Variants in NRXN3 observed in about 807,000 individuals in gnomAD.
NRXN3 encodes the protein neurexin 3.
In NRXN3, 32 loss-of-function variants were observed where a neutral mutation model predicts 137.6. That is an observed-to-expected ratio of 0.23 (90% confidence interval 0.18 to 0.31). The LOEUF is 0.31. NRXN3 is among the 10% of genes least tolerant of loss of function. The pLI, the probability that NRXN3 is intolerant of heterozygous loss-of-function variation, is 1.00. For synonymous variants in NRXN3, 798 were observed against 784.5 expected (o/e 1.02, Z -0.29); for missense variants, 1,574 against 2,062.5 (o/e 0.76, Z 4.59).
At chr14:79,402,965 A>T (rs1266396547) in intron 15 of NRXN3, among the ~76,000 whole-genome samples, 1 of 152,236 alleles carries the variant, frequency 6.6e-6, no homozygotes, top group Non-Finnish European at 1.5e-5. Flanking sequence ...AAGGAAAAAT[A>T]AAGTGTGTTT....
At position 78,846,362 on chromosome 14, in the gene NRXN3, G is replaced by A. The variant is rs181903472; in HGVS notation, c.2275+36018G>A. 2.8e-3 allele frequency among the ~76,000 whole-genome samples: 422 copies of A among 152,132 alleles called. 3 individuals carry two copies. Among genetic ancestry groups the A allele is most frequent in the African/African-American group, 9.7e-3 (401 of 41,528 alleles). On this transcript the variant is annotated intron_variant, in intron 10 of 20. Coordinates refer to ENST00000335750, the MANE Select transcript of NRXN3 (RefSeq NM_001330195.2). ...TGTGTTTTCTTTTATACCTGATCAGGTCTGCCAGTTGCAAAGCTATACAAT... is the reference window on the plus strand; with the variant it reads ...TGTGTTTTCTTTTATACCTGATCAGATCTGCCAGTTGCAAAGCTATACAAT...
chr14:78,368,947 T>C (rs2086402978), intron 4 of NRXN3, among the ~76,000 whole-genome samples: 1 of 152,156 alleles, frequency 6.6e-6, no homozygotes, highest in African/African-American at 2.4e-5. Context: ...ACAAATTATT[T>C]CTTACCTAGG....
intron 8 of NRXN3, chr14:78,745,361 C>T (rs939808134): frequency 1.3e-5 from 2 of 152,310 alleles, no homozygotes; most frequent in African/African-American, 4.8e-5. Flanking sequence ...ACTTCAGTGA[C>T]TCCCCCTTCA....
At chr14:78,768,993 T>C (rs1391743609) in intron 8 of NRXN3, among the ~76,000 whole-genome samples, 4 of 152,174 alleles carry the variant, frequency 2.6e-5, no homozygotes, top group Non-Finnish European at 4.4e-5. Flanking sequence ...CATCTTCATC[T>C]CCATCTCTGG....
At chr14:79,329,843 G>GT (rs11338173) in intron 15 of NRXN3, among the ~76,000 whole-genome samples, 1,549 of 142,864 alleles carry the variant, frequency 0.011, 11 homozygotes, top group Non-Finnish European at 0.014. Context: ...GATCAAAAGA[G>GT]TTTTTTTTTT....
chr14:78,427,833 C>T (rs1434300220), intron 4 of NRXN3, among the ~76,000 whole-genome samples: 1 of 152,172 alleles, frequency 6.6e-6, no homozygotes, highest in African/African-American at 2.4e-5. Context: ...TTCCTTTTCC[C>T]ACCTCTACCC....
At chr14:78,282,490 TA>T (rs2074542063) in intron 3 of NRXN3, 1 of 209,354 alleles carries the variant, frequency 4.8e-6, no homozygotes, top group African/African-American at 2.3e-5. Flanking sequence ...ACCTGGAATT[TA>T]AATGAATAAC....
Position 79,318,653 on chromosome 14 carries a change from C to T in NRXN3, c.3263-148568C>T, listed in dbSNP as rs114912394. On this transcript the variant is annotated intron_variant, in intron 15 of 20. Coordinates refer to ENST00000335750, the MANE Select transcript of NRXN3 (RefSeq NM_001330195.2). ...GGGATTTATTGGGAGTGTTCCTTTA[C>T]GTGAGTCCAGGAAATAAGAACTAGA... Among the ~76,000 whole-genome samples, 775 of 152,192 alleles carry T rather than the reference C, an allele frequency of 5.1e-3. 4 individuals carry two copies. Among genetic ancestry groups the T allele is most frequent in the African/African-American group, 0.016 (684 of 41,508 alleles).
intron 16 of NRXN3, among the ~76,000 whole-genome samples, chr14:79,633,031 C>T (rs896291891): frequency 6.6e-6 from 1 of 152,092 alleles, no homozygotes; most frequent in Non-Finnish European, 1.5e-5. Context: ...AGAAATAGAA[C>T]ATTCAAGGGA....
intron 1 of NRXN3, among the ~76,000 whole-genome samples, chr14:78,187,578 T>C (rs1177136340): frequency 1.3e-5 from 2 of 152,166 alleles, no homozygotes; most frequent in Admixed American, 1.3e-4. Context: ...CTGGTTCTGG[T>C]ATATAGGAGC....
intron 15 of NRXN3, among the ~76,000 whole-genome samples, chr14:79,092,879 G>T (rs1260098189): frequency 1.3e-5 from 2 of 152,118 alleles, no homozygotes; most frequent in Non-Finnish European, 1.5e-5. Flanking sequence ...CAAAGTCTCT[G>T]CCCAACTGGG....
At chr14:78,951,651 C>T (rs1217828244) in intron 10 of NRXN3, among the ~76,000 whole-genome samples, 3 of 152,098 alleles carry the variant, frequency 2.0e-5, no homozygotes, top group African/African-American at 4.8e-5. Context: ...GATTTTCTCA[C>T]CCCAAAGTAG....
intron 3 of NRXN3, among the ~76,000 whole-genome samples, chr14:78,285,933 C>T (rs1458031094): frequency 6.6e-6 from 1 of 152,102 alleles, no homozygotes; most frequent in Non-Finnish European, 1.5e-5. Flanking sequence ...CCCAGGAAGA[C>T]CCCCCTGGCT....
At chr14:78,409,123 A>G (rs1241633151) in intron 4 of NRXN3, among the ~76,000 whole-genome samples, 2 of 152,232 alleles carry the variant, frequency 1.3e-5, no homozygotes, top group African/African-American at 2.4e-5. Flanking sequence ...TGGTTGCTAC[A>G]AATACAAAGA....
chr14:79,469,073 A>T (rs2096465901), intron 16 of NRXN3, among the ~76,000 whole-genome samples: 1 of 152,216 alleles, frequency 6.6e-6, no homozygotes, highest in African/African-American at 2.4e-5. Context: ...TGACTATTTC[A>T]TGGCAGCTAT....
chr14:79,367,394 C>T (rs2093937293), intron 15 of NRXN3, among the ~76,000 whole-genome samples: 1 of 152,186 alleles, frequency 6.6e-6, no homozygotes, highest in Non-Finnish European at 1.5e-5. Flanking sequence ...ATTTGACCTT[C>T]ACATTTTATT....
intron 4 of NRXN3, among the ~76,000 whole-genome samples, chr14:78,552,726 G>C (rs1178250046): frequency 6.6e-6 from 1 of 152,184 alleles, no homozygotes; most frequent in African/African-American, 2.4e-5. Flanking sequence ...TTTTTGAGGA[G>C]AAGGGATGAA....
intron 6 of NRXN3, among the ~76,000 whole-genome samples, chr14:78,653,422 C>A (rs1283853559): frequency 6.6e-6 from 1 of 152,168 alleles, no homozygotes; most frequent in Non-Finnish European, 1.5e-5. Flanking sequence ...ATGAATGAGG[C>A]ATTGGTTGCT....
chr14:79,578,474 A>G (rs965244566), intron 16 of NRXN3, among the ~76,000 whole-genome samples: 3 of 152,196 alleles, frequency 2.0e-5, no homozygotes, highest in Non-Finnish European at 4.4e-5. Context: ...CATGCGCCCC[A>G]AGTCCCACAA....
Sources: allele counts gnomAD v4.1 joint callset (sites outside exome capture counted in the v4.1 genomes callset), GRCh38; gene constraint gnomAD v4.1.1; transcripts MANE v1.5; gene names NCBI Gene and HGNC (gene_info 2026-07-23, HGNC 2026-07-21).